OSBPL8: variants seen among roughly 807,000 people sequenced by gnomAD.
OSBPL8 encodes the protein oxysterol binding protein like 8.
A neutral mutation model predicts 125.5 loss-of-function variants in OSBPL8; 59 were observed. The ratio of observed to expected loss-of-function variants is 0.47; its 90% CI spans 0.38 to 0.58. The LOEUF (loss-of-function observed/expected upper bound fraction) is 0.58, where lower values mean the gene tolerates loss of function less well. Among genes scored for constraint, OSBPL8 ranks in the 20% least tolerant of loss-of-function variants. OSBPL8 has a pLI of 0.00. For synonymous variants in OSBPL8, 330 were observed against 338.9 expected, an observed-to-expected ratio of 0.97 and a Z score of 0.29; for missense variants, 758 against 1,047.8, an observed-to-expected ratio of 0.72 and a Z score of 3.82.
intron 2 of OSBPL8, among the ~76,000 whole-genome samples, chr12:76,478,342 A>C (rs991060261): frequency 2.7e-5 from 4 of 149,068 alleles, no homozygotes; most frequent in Admixed American, 2.7e-4. Context: ...GTATTATTAC[A>C]AAAAAAAAAT....
In OSBPL8 at chr12:76,452,411, A is replaced by G. The variant is rs368297640; in HGVS notation, c.80-1423T>C. On this transcript the variant is annotated intron_variant, in intron 3 of 23. Coordinates refer to ENST00000261183, the MANE Select transcript of OSBPL8 (RefSeq NM_020841.5). ...TCTCCCCCTAAACTCAAACTTACAT[A>G]CCCAACTGCCTGCCTTATAATCACC... Among the ~76,000 whole-genome samples the G allele has an allele frequency of 7.2e-5, 11 of 152,152 alleles. No homozygotes were observed. The South Asian group carries it at 2.1e-3, about 29-fold the overall frequency.
At chr12:76,379,005 G>T (rs1385058940) in intron 15 of OSBPL8, among the ~76,000 whole-genome samples, 1 of 151,822 alleles carries the variant, frequency 6.6e-6, no homozygotes, top group African/African-American at 2.4e-5. Context: ...CTGACCTTGG[G>T]TGATCTGCCC....
intron 1 of OSBPL8, among the ~76,000 whole-genome samples, chr12:76,541,024 C>G (rs2137421919): frequency 6.6e-6 from 1 of 152,170 alleles, no homozygotes; most frequent in African/African-American, 2.4e-5. Flanking sequence ...CCAAAAAGAG[C>G]AGAGCTCCTG....
chr12:76,400,935 T>C (rs752273860), intron 6 of OSBPL8, among the ~76,000 whole-genome samples: 13 of 151,758 alleles, frequency 8.6e-5, no homozygotes, highest in Non-Finnish European at 1.9e-4. Flanking sequence ...ATTACAGGCA[T>C]ATGCCACCAT....
At chr12:76,379,579 G>A (rs768458405) in intron 15 of OSBPL8, among the ~76,000 whole-genome samples, 6 of 152,104 alleles carry the variant, frequency 3.9e-5, no homozygotes, top group Admixed American at 1.3e-4. Context: ...TAAATCACTG[G>A]CTTTACCTAT....
chr12:76,509,842 T>G (rs1269562261), intron 1 of OSBPL8, among the ~76,000 whole-genome samples: 2 of 151,684 alleles, frequency 1.3e-5, no homozygotes, highest in African/African-American at 4.8e-5. Flanking sequence ...ACTAATAATA[T>G]CAACTATCAG....
chr12:76,392,414 C>A (rs1381871850), intron 10 of OSBPL8, among the ~76,000 whole-genome samples, 167 bp downstream of exon 10: 1 of 152,152 alleles, frequency 6.6e-6, no homozygotes, highest in Non-Finnish European at 1.5e-5. Flanking sequence ...ATTTCTACAC[C>A]TGATTATAGC....
chr12:76,361,740 T>C (rs1246761307), intron 21 of OSBPL8, among the ~76,000 whole-genome samples: 1 of 152,170 alleles, frequency 6.6e-6, no homozygotes, highest in Non-Finnish European at 1.5e-5. Flanking sequence ...CGGAAACCCC[T>C]GATAAAACCA....
At chr12:76,424,752 T>A (rs1869942452) in intron 4 of OSBPL8, among the ~76,000 whole-genome samples, 2 of 151,944 alleles carry the variant, frequency 1.3e-5, no homozygotes, top group South Asian at 4.2e-4. Flanking sequence ...CTTAAAAGAG[T>A]CTAGGTTAAA....
rs1350442189 is a variant in OSBPL8, at chr12:76,450,888, A to G, written c.180T>C (p.His60=). The G allele has an allele frequency of 6.2e-7, 1 of 1,613,716 alleles. No homozygotes were observed. Among genetic ancestry groups the G allele is most frequent in the Admixed American group, 1.7e-5 (1 of 59,980 alleles). The change falls in exon 4 of 24, where the codon CAT becomes CAC. Residue 60 remains histidine (H), a synonymous_variant. Transcript: ENST00000261183. The part of the protein sequence containing the change: ...EAYPTPTKDL[H]QPSLSPASPH... ...GACTTGCTGGACTAAGAGATGGCTGATGCAAATCTTTGGTTGGCGTTGGAT... is the reference window on the plus strand; with the variant it reads ...GACTTGCTGGACTAAGAGATGGCTGGTGCAAATCTTTGGTTGGCGTTGGAT...
intron 10 of OSBPL8, 43 bp downstream of exon 10, chr12:76,392,538 T>C (rs778280061): frequency 2.6e-6 from 4 of 1,552,302 alleles, no homozygotes; most frequent in Non-Finnish European, 2.6e-6. Context: ...GTGAACAGTA[T>C]GGTCTCTGAA....
intron 18 of OSBPL8, 39 bp downstream of exon 18, chr12:76,373,302 GAAT>G: frequency 8.0e-7 from 1 of 1,246,738 alleles, no homozygotes. Context: ...TTTTCCCACA[GAAT>G]AAAATTCTTT....
chr12:76,457,431 T>C (rs1385992436), intron 3 of OSBPL8, among the ~76,000 whole-genome samples: 3 of 152,192 alleles, frequency 2.0e-5, no homozygotes, highest in Non-Finnish European at 4.4e-5. Flanking sequence ...TATGCATTCA[T>C]GATATACCTA....
intron 4 of OSBPL8, among the ~76,000 whole-genome samples, chr12:76,446,774 T>C (rs1872764047): frequency 1.3e-5 from 2 of 152,152 alleles, no homozygotes; most frequent in Admixed American, 1.3e-4. Flanking sequence ...TTTTAAACCT[T>C]AATAAAATCC....
At chr12:76,535,082 T>A (rs1950452962) in intron 1 of OSBPL8, among the ~76,000 whole-genome samples, 1 of 151,818 alleles carries the variant, frequency 6.6e-6, no homozygotes, top group African/African-American at 2.4e-5. Flanking sequence ...GACAAAAAAA[T>A]TCTTAAGATA....
chr12:76,461,468 T>C (rs1422228576), intron 2 of OSBPL8, among the ~76,000 whole-genome samples: 1 of 152,140 alleles, frequency 6.6e-6, no homozygotes, highest in Non-Finnish European at 1.5e-5. Flanking sequence ...TTTTGTTTTT[T>C]GAGGTAGAGT....
chr12:76,553,914 T>G, intron 1 of OSBPL8, among the ~76,000 whole-genome samples: 1 of 139,252 alleles, frequency 7.2e-6, no homozygotes, highest in Admixed American at 7.8e-5. Context: ...GAGGCAGAGG[T>G]TGCAGTGAGC....
intron 2 of OSBPL8, among the ~76,000 whole-genome samples, chr12:76,465,420 C>T (rs1264054726): frequency 1.3e-5 from 2 of 151,734 alleles, no homozygotes; most frequent in African/African-American, 2.4e-5. Flanking sequence ...ATTAGCCGGG[C>T]GTGGTGGCGG....
In OSBPL8 at chr12:76,386,597, T is replaced by C; in HGVS notation, c.1416A>G (p.Gly472=). Residue 472 remains glycine, a synonymous_variant, in exon 13 of 24, where the codon GGA becomes GGG. Transcript: ENST00000261183. The part of the protein sequence containing the change: ...LKKVVKWYLS[G]FYKKPKGLKK... ...TTATTACCTTTGGCTTTTTATAGAATCCTGACAAATACCATTTCACTACTT... is the reference window on the plus strand; with the variant it reads ...TTATTACCTTTGGCTTTTTATAGAACCCTGACAAATACCATTTCACTACTT... The C allele has an allele frequency of 6.2e-7, 1 of 1,606,390 alleles. No individual in the cohort carries two copies. The highest frequency in any genetic ancestry group is 8.5e-7 in the Non-Finnish European group (1 of 1,175,890).
Sources: allele counts gnomAD v4.1 joint callset (sites outside exome capture counted in the v4.1 genomes callset), GRCh38; gene constraint gnomAD v4.1.1; transcripts MANE v1.5; gene names NCBI Gene and HGNC (gene_info 2026-07-23, HGNC 2026-07-21).